Variants in ALMS1 observed in about 807,000 individuals in gnomAD.
ALMS1 encodes the protein centrosome-associated protein ALMS1.
Under a neutral mutation model 352.2 loss-of-function variants are expected in ALMS1, and 271 were observed. The observed-to-expected ratio is 0.77, with a 90% confidence interval of 0.70 to 0.85. ALMS1 has a LOEUF of 0.85. ALMS1 is among the 40% of genes least tolerant of loss of function. The pLI, the probability that ALMS1 is intolerant of heterozygous loss-of-function variation, is 0.00. For missense variants in ALMS1, 5,445 were observed against 4,870.7 expected, an observed-to-expected ratio of 1.12 and a Z score of -3.51; for synonymous variants, 1,865 against 1,761.2, an observed-to-expected ratio of 1.06 and a Z score of -1.48.
intron 16 of ALMS1, among the ~76,000 whole-genome samples, chr2:73,586,734 GT>G (rs935460361): frequency 2.6e-5 from 4 of 152,012 alleles, no homozygotes; most frequent in Non-Finnish European, 4.4e-5. Flanking sequence ...TGTGTGTGCT[GT>G]TTTTTGGTTC....
intron 1 of ALMS1, among the ~76,000 whole-genome samples, chr2:73,402,617 CT>C (rs1260623760): frequency 6.6e-6 from 1 of 152,160 alleles, no homozygotes; most frequent in Non-Finnish European, 1.5e-5. Context: ...AATTGCTGCA[CT>C]GGTTTACATT....
chr2:73,546,770 A>G (rs945098067), intron 12 of ALMS1, among the ~76,000 whole-genome samples: 10 of 152,216 alleles, frequency 6.6e-5, no homozygotes, highest in Admixed American at 6.5e-4. Flanking sequence ...TGAAGCAGAA[A>G]AGAGCTTGAT....
intron 11 of ALMS1, among the ~76,000 whole-genome samples, chr2:73,522,682 T>G (rs1447274725): frequency 6.6e-6 from 1 of 152,142 alleles, no homozygotes; most frequent in African/African-American, 2.4e-5. Flanking sequence ...TTGGCCAGGA[T>G]GATCTCGATC....
intron 15 of ALMS1, 38 bp downstream of exon 15, chr2:73,559,180 T>A: frequency 6.3e-7 from 1 of 1,597,972 alleles, no homozygotes; most frequent in Non-Finnish European, 8.5e-7. Flanking sequence ...TGTGTGTCTT[T>A]GTGTGTATGT....
chr2:73,501,554 T>C (rs1439188686), intron 10 of ALMS1, among the ~76,000 whole-genome samples: 3 of 152,134 alleles, frequency 2.0e-5, no homozygotes, highest in East Asian at 1.9e-4. Flanking sequence ...TTTTCAAAAA[T>C]GATTATTTCC....
chr2:73,387,631 C>T (rs1670565798), intron 1 of ALMS1, among the ~76,000 whole-genome samples: 1 of 152,062 alleles, frequency 6.6e-6, no homozygotes, highest in Admixed American at 6.5e-5. Context: ...TGTGCTATGC[C>T]AAGGATTTAG....
At chr2:73,606,078 T>G (rs1675811115) in intron 21 of ALMS1, among the ~76,000 whole-genome samples, 1 of 152,160 alleles carries the variant, frequency 6.6e-6, no homozygotes, top group Admixed American at 6.5e-5. Flanking sequence ...AAACCAGACA[T>G]TAAAGAGTTT....
chr2:73,519,740 T>C (rs1241125713), intron 10 of ALMS1, 35 bp from the exon 11 acceptor site: 3 of 1,613,280 alleles, frequency 1.9e-6, no homozygotes. Context: ...TGGCCAAGGA[T>C]ATAATCTGCT....
intron 6 of ALMS1, among the ~76,000 whole-genome samples, chr2:73,429,020 C>CTTTGTTAT (rs1239683091): frequency 6.6e-6 from 1 of 152,138 alleles, no homozygotes; most frequent in Non-Finnish European, 1.5e-5. Context: ...AGTTCAGTTA[C>CTTTGTTAT]TTTGTTAGCC....
intron 9 of ALMS1, among the ~76,000 whole-genome samples, chr2:73,483,733 C>T (rs1192892536): frequency 3.3e-5 from 5 of 149,350 alleles, no homozygotes; most frequent in Non-Finnish European, 7.4e-5. Flanking sequence ...TCACTCAGGA[C>T]TTGCTTTATG....
intron 15 of ALMS1, among the ~76,000 whole-genome samples, chr2:73,571,257 A>T (rs1236064302): frequency 6.6e-6 from 1 of 152,172 alleles, no homozygotes; most frequent in Non-Finnish European, 1.5e-5. Flanking sequence ...CCATCATTGC[A>T]TGTGTGTATC....
rs573908375 is a variant in ALMS1 at position 73,474,634 on chromosome 2, C to G, written c.7675-15000C>G. The stretch of plus-strand genomic sequence containing the variant: ...GTATTACAGGCTTAAGCCACTGCAC[C>G]TGGCTGATGTGTCATTAAGCTGGAT... On this transcript the variant is annotated intron_variant, in intron 9 of 22. Coordinates refer to ENST00000613296, the MANE Select transcript of ALMS1 (RefSeq NM_001378454.1). 1.6e-4 allele frequency among the ~76,000 whole-genome samples: 25 copies of G among 152,048 alleles called. 1 individual carries two copies. In the South Asian group the frequency reaches 4.6e-3, roughly 28 times the overall value.
intron 21 of ALMS1, chr2:73,603,821 C>T (rs971099092): frequency 6.3e-6 from 1 of 158,858 alleles, no homozygotes; most frequent in Non-Finnish European, 1.4e-5. Context: ...GATGGTGCCA[C>T]TGTACTCCAG....
rs1340190220 is a variant in ALMS1 at position 73,452,583 on chromosome 2, A to T, written c.6056A>T (p.Tyr2019Phe). The change falls in exon 8 of 23, where the codon TAC becomes TTC. Residue 2019 changes from tyrosine (Y) to phenylalanine (F), a missense_variant. Transcript: ENST00000613296. ...TTTCCAGCAGCTACCCTTAGTTCCT[A>T]CTCACAAATAGAGAAGCCCAAGATT... ...TEFPAATLSS[Y>F]SQIEKPKIST... The T allele has an allele frequency of 1.9e-6, 3 of 1,614,110 alleles. No homozygotes were observed. Among genetic ancestry groups the T allele is most frequent in the Non-Finnish European group, 2.5e-6 (3 of 1,179,998 alleles).
intron 15 of ALMS1, among the ~76,000 whole-genome samples, chr2:73,564,843 G>A (rs774070275): frequency 3.9e-5 from 6 of 152,228 alleles, no homozygotes; most frequent in Admixed American, 6.5e-5. Context: ...CCTTGATAAT[G>A]AGTTTGGGGA....
intron 2 of ALMS1, among the ~76,000 whole-genome samples, chr2:73,409,350 T>C (rs2103677763): frequency 6.6e-6 from 1 of 152,240 alleles, no homozygotes; most frequent in African/African-American, 2.4e-5. Context: ...TGGCCTTAAG[T>C]GATCCTCTTG....
chr2:73,416,627 G>A (rs921857492), intron 2 of ALMS1, among the ~76,000 whole-genome samples: 3 of 151,964 alleles, frequency 2.0e-5, no homozygotes, highest in South Asian at 2.1e-4. Flanking sequence ...TGTACCACCC[G>A]GGAATTAAAA....
chr2:73,423,129 G>A (rs535210853), intron 4 of ALMS1, among the ~76,000 whole-genome samples, 155 bp downstream of exon 4: 3 of 152,306 alleles, frequency 2.0e-5, no homozygotes, highest in Non-Finnish European at 4.4e-5. Context: ...AAGACTTGAT[G>A]CATATTAATT....
At chr2:73,562,316 C>G (rs1019204747) in intron 15 of ALMS1, among the ~76,000 whole-genome samples, 1 of 152,082 alleles carries the variant, frequency 6.6e-6, no homozygotes, top group African/African-American at 2.4e-5. Context: ...TAGGCACATG[C>G]TACCACACCT....
Sources: gnomAD v4.1 joint callset for allele counts (sites outside exome capture counted in the v4.1 genomes callset) on GRCh38, gnomAD v4.1.1 for gene constraint, MANE v1.5 for transcripts, NCBI Gene and HGNC (gene_info 2026-07-23, HGNC 2026-07-21) for gene names.